Variants in CD9 observed in about 807,000 individuals in gnomAD.
CD9 encodes CD9 antigen.
CD9 carries 10 observed loss-of-function variants against 31.4 expected under a neutral mutation model. The ratio of observed to expected loss-of-function variants is 0.32; its 90% CI spans 0.20 to 0.54. The LOEUF is 0.54. Ranked by LOEUF, CD9 falls within the 20% of genes least tolerant of loss-of-function variation. The pLI, the probability that CD9 is intolerant of heterozygous loss-of-function variation, is 0.94. For missense variants in CD9, 259 were observed against 300.1 expected, an observed-to-expected ratio of 0.86 and a Z score of 1.01; for synonymous variants, 113 against 114.1, an observed-to-expected ratio of 0.99 and a Z score of 0.06.
chr12:6,234,446 T>C (rs1319775902), intron 4 of CD9: 1 of 151,522 alleles, frequency 6.6e-6, no homozygotes, highest in Non-Finnish European at 1.5e-5. Context: ...TCACTACTTT[T>C]AGCCCAGCCA....
chr12:6,200,677 C>T, intron 1 of CD9, 112 bp downstream of exon 1: 1 of 674,564 alleles, frequency 1.5e-6, no homozygotes, highest in Non-Finnish European at 2.6e-6. Flanking sequence ...ACCGGGCAGG[C>T]ACCGGGCGGG....
intron 4 of CD9, among the ~76,000 whole-genome samples, chr12:6,233,797 T>C (rs1946482099): frequency 6.6e-6 from 1 of 151,806 alleles, no homozygotes; most frequent in African/African-American, 2.4e-5. Flanking sequence ...CCACAACTTT[T>C]AGAAAGATTA....
At chr12:6,211,765 GA>G (rs1441363586) in intron 1 of CD9, among the ~76,000 whole-genome samples, 2 of 152,252 alleles carry the variant, frequency 1.3e-5, no homozygotes, top group African/African-American at 4.8e-5. Flanking sequence ...GCTTTCAGTG[GA>G]AAAGGGATTT....
chr12:6,222,742 C>T (rs1946307781), intron 1 of CD9, among the ~76,000 whole-genome samples: 1 of 152,194 alleles, frequency 6.6e-6, no homozygotes, highest in Admixed American at 6.5e-5. Flanking sequence ...AGGGGCCTTA[C>T]CCCTGGAGGT....
intron 2 of CD9, 111 bp downstream of exon 2, chr12:6,225,645 T>C (rs1946355420): frequency 1.5e-6 from 1 of 681,544 alleles, no homozygotes; most frequent in Middle Eastern, 3.2e-4. Flanking sequence ...AGACTTTTGC[T>C]CTAGCCACGC....
chr12:6,200,515 G>A lies in CD9; in HGVS notation c.16G>A (p.Gly6Ser). Residue 6 changes from glycine (G) to serine (S), a missense_variant, in exon 1 of 8, where the codon GGC (glycine) becomes AGC (serine). Transcript: ENST00000009180. ...AGCCCTCACCATGCCGGTCAAAGGA[G>A]GCACCAAGTGCATCAAATACCTGCT... MPVKG[G>S]TKCIKYLLFG... 1 of 1,611,006 alleles carries A rather than the reference G, an allele frequency of 6.2e-7. No individual in the cohort carries two copies. The highest frequency in any genetic ancestry group is 1.7e-4 in the Middle Eastern group (1 of 6,052).
At chr12:6,212,567 C>A (rs1229402982) in intron 1 of CD9, among the ~76,000 whole-genome samples, 1 of 152,234 alleles carries the variant, frequency 6.6e-6, no homozygotes, top group Non-Finnish European at 1.5e-5. Context: ...AGCCCCCCAG[C>A]TGCACTAGCA....
intron 3 of CD9, chr12:6,233,103 CTT>C (rs1425331904): frequency 4.3e-6 from 3 of 700,506 alleles, no homozygotes; most frequent in African/African-American, 3.5e-5. Context: ...AATCTCTTGT[CTT>C]TTGTGAACAA....
chr12:6,225,320 A>G, intron 1 of CD9, 106 bp from the exon 2 acceptor site: 1 of 751,110 alleles, frequency 1.3e-6, no homozygotes, highest in South Asian at 1.5e-5. Context: ...AGGGGCAGAG[A>G]CCAAGGGTGG....
At chr12:6,235,857 T>C (rs1946513927) in intron 6 of CD9, 2 of 1,365,704 alleles carry the variant, frequency 1.5e-6, no homozygotes, top group Non-Finnish European at 1.9e-6. Context: ...CACTCTGACT[T>C]TGTCAGTGGC....
chr12:6,228,631 C>T lies in CD9; in HGVS notation c.175+3097C>T, dbSNP rs117164255. ...GCTTAGGTCTGAGCTATGCCCTGAA[C>T]GTCACTGAACGCTTTAGGAAATAAT... On this transcript the variant is annotated intron_variant, in intron 2 of 7. Coordinates refer to ENST00000009180, the MANE Select transcript of CD9 (RefSeq NM_001769.4). Among the ~76,000 whole-genome samples the T allele has an allele frequency of 3.4e-3, 508 of 151,102 alleles. 1 individual carries two copies. The highest frequency in any genetic ancestry group is 4.8e-3 in the Non-Finnish European group (326 of 67,872).
Position 6,235,261 on chromosome 12 carries a change from C to G in CD9, c.381C>G (p.Asp127Glu). The change falls in exon 5 of 8, where the codon GAC becomes GAG. Residue 127 changes from aspartate to glutamate, a missense_variant. By Grantham distance (45) the Asp-to-Glu change is conservative. Coordinates refer to ENST00000009180, the MANE Select transcript of CD9 (RefSeq NM_001769.4). ...AGGAAGTCCAGGAGTTTTACAAGGACACCTACAACAAGCTGAAAACCAAGG... is the reference window on the plus strand; with the variant it reads ...AGGAAGTCCAGGAGTTTTACAAGGAGACCTACAACAAGCTGAAAACCAAGG... ...VIKEVQEFYKDTYNKLKTKDE... is the reference protein window; with the variant it reads ...VIKEVQEFYKETYNKLKTKDE... The G allele has an allele frequency of 4.3e-6, 7 of 1,611,348 alleles. No homozygotes were observed. The highest frequency in any genetic ancestry group is 5.9e-6 in the Non-Finnish European group (7 of 1,177,530).
Position 6,236,295 on chromosome 12 carries a change from C to T in CD9, c.621+20C>T, listed in dbSNP as rs1565430763. On this transcript the variant is annotated intron_variant, in intron 7 of 7. Transcript: ENST00000009180. Reference sequence around the variant, plus strand: ...GTCATGGTGAGTGGCAGGACGTCGTCCCAGGAGGGGGACTGAGGAGTTCAC... The same window carrying T: ...GTCATGGTGAGTGGCAGGACGTCGTTCCAGGAGGGGGACTGAGGAGTTCAC... The T allele has an allele frequency of 3.1e-6, 5 of 1,608,442 alleles. No homozygotes were observed. The East Asian group carries it at 1.1e-4, about 36-fold the overall frequency.
intron 1 of CD9, among the ~76,000 whole-genome samples, chr12:6,216,587 C>T (rs908174765): frequency 2.0e-5 from 3 of 152,210 alleles, no homozygotes; most frequent in Non-Finnish European, 2.9e-5. Flanking sequence ...GGACAGAAGC[C>T]TAAAATCTGA....
Position 6,235,214 on chromosome 12 carries a change from G to C in CD9, c.349-15G>C. 2 of 1,566,700 alleles carry C rather than the reference G, an allele frequency of 1.3e-6. No individual in the cohort carries two copies. The highest frequency in any genetic ancestry group is 1.8e-6 in the Non-Finnish European group (2 of 1,138,684). On this transcript the variant is annotated splice_polypyrimidine_tract_variant and intron_variant, in intron 4 of 7. Coordinates refer to ENST00000009180, the MANE Select transcript of CD9 (RefSeq NM_001769.4). ...AAAATGCCGTCTCTGCCCCTCTCTC[G>C]TCTGCCCATTGTAGGTGATTAAGGA...
chr12:6,208,225 A>G (rs1946153899), intron 1 of CD9, among the ~76,000 whole-genome samples: 1 of 137,714 alleles, frequency 7.3e-6, no homozygotes, highest in African/African-American at 2.7e-5. Context: ...ACTCCATCTC[A>G]AAAAAAAAAA....
chr12:6,212,483 C>T (rs949841392), intron 1 of CD9, among the ~76,000 whole-genome samples: 5 of 152,182 alleles, frequency 3.3e-5, no homozygotes, highest in South Asian at 2.1e-4. Flanking sequence ...TTACACACAA[C>T]GAGCCAGGCA....
At chr12:6,227,719 G>T (rs747115824) in intron 2 of CD9, among the ~76,000 whole-genome samples, 1 of 152,166 alleles carries the variant, frequency 6.6e-6, no homozygotes, top group Non-Finnish European at 1.5e-5. Flanking sequence ...GCTGCTTCTC[G>T]GGTTGTCATT....
intron 2 of CD9, among the ~76,000 whole-genome samples, chr12:6,231,042 C>T (rs759251528): frequency 1.3e-5 from 2 of 152,158 alleles, no homozygotes; most frequent in Non-Finnish European, 2.9e-5. Flanking sequence ...GTGAAGTCAG[C>T]GTGTCACCTG....
Sources: allele counts gnomAD v4.1 joint callset (sites outside exome capture counted in the v4.1 genomes callset), GRCh38; gene constraint gnomAD v4.1.1; transcripts MANE v1.5; gene names NCBI Gene and HGNC (gene_info 2026-07-23, HGNC 2026-07-21).